ERCC6: variants seen among roughly 807,000 people sequenced by gnomAD.
ERCC6 encodes the protein ERCC excision repair 6, chromatin remodeling factor, also known as DNA excision repair protein ERCC-6.
ERCC6 carries 116 observed loss-of-function variants against 158.7 expected under a neutral mutation model. The ratio of observed to expected loss-of-function variants is 0.73; its 90% CI spans 0.63 to 0.85. The LOEUF is 0.85. ERCC6 is among the 40% of genes least tolerant of loss of function. The pLI is 0.00. For missense variants in ERCC6, 1,698 were observed against 1,799.4 expected (o/e 0.94, Z 1.02); for synonymous variants, 678 against 659.3 (o/e 1.03, Z -0.43).
chr10:49,478,492 G>A (rs752574208), intron 10 of ERCC6, 22 bp from the exon 11 acceptor site: 5 of 1,375,724 alleles, frequency 3.6e-6, no homozygotes, highest in Middle Eastern at 1.8e-4. Flanking sequence ...GCAGAGAAGG[G>A]AACATTACTA....
At position 49,476,212 on chromosome 10, in the gene ERCC6, G is replaced by C; in HGVS notation, c.2382+3C>G. On this transcript the variant is annotated splice_donor_region_variant and intron_variant, in intron 12 of 20. Coordinates refer to ENST00000355832, the MANE Select transcript of ERCC6 (RefSeq NM_000124.4). ...TTTCTCCAGCTTCTATTTTTTAGCT[G>C]ACCTGCATCTCTCCATTGAGAATCC... 6.2e-7 allele frequency: 1 copy of C among 1,602,830 alleles called. No individual in the cohort carries two copies. Among genetic ancestry groups the C allele is most frequent in the Non-Finnish European group, 8.5e-7 (1 of 1,169,908 alleles).
rs1245391063 is a variant in ERCC6, at chr10:49,478,447, T to C, written c.2193A>G (p.Ala731=). 2.5e-6 allele frequency: 4 copies of C among 1,612,990 alleles called. No individual in the cohort carries two copies. Among genetic ancestry groups the C allele is most frequent in the East Asian group, 4.5e-5 (2 of 44,888 alleles). Reference sequence around the variant, plus strand: ...GATTTATGGTATCTCGTAAGACACATGCACACTTGTAAGCAGTTTTGACCT... The same window carrying C: ...GATTTATGGTATCTCGTAAGACACACGCACACTTGTAAGCAGTTTTGACCT... ...PVQVKTAYKC[A]CVLRDTINPY... The change falls in exon 11 of 21, where the codon GCA becomes GCG. Residue 731 remains alanine (A), a synonymous_variant. Transcript: ENST00000355832.
downstream of ERCC6, among the ~76,000 whole-genome samples, chr10:49,451,630 T>C (rs1850421367): frequency 6.6e-6 from 1 of 152,338 alleles, no homozygotes; most frequent in East Asian, 1.9e-4. Context: ...TTGGTGATGG[T>C]GCATAATTAT....
rs765804876 is a variant in ERCC6, at chr10:49,459,145, G to A, written c.4152C>T (p.Leu1384=). The part of the protein sequence containing the change: ...AEDADSSSGP[L]ASSSLLAKMR... ...TTTTAGCCAAGAGTGAGGAGGAAGCGAGGGGCCCGGATGAAGAGTCTGCAT... is the reference window on the plus strand; with the variant it reads ...TTTTAGCCAAGAGTGAGGAGGAAGCAAGGGGCCCGGATGAAGAGTCTGCAT... Residue 1384 remains leucine (L), a synonymous_variant, in exon 21 of 21, where the codon CTC becomes CTT. Coordinates refer to ENST00000355832, the MANE Select transcript of ERCC6 (RefSeq NM_000124.4). The A allele has an allele frequency of 7.4e-6, 12 of 1,614,076 alleles. No homozygotes were observed. The highest frequency in any genetic ancestry group is 9.3e-6 in the Non-Finnish European group (11 of 1,180,042).
At chr10:49,435,804 G>A in the ERCC6 span, among the ~76,000 whole-genome samples, 4 of 151,988 alleles carry the variant, frequency 2.6e-5, no homozygotes, top group Non-Finnish European at 5.9e-5. Flanking sequence ...TTCAAGACCA[G>A]CCTGGCCAAC....
At chr10:49,449,164 C>T in the ERCC6 span, among the ~76,000 whole-genome samples, 2 of 152,256 alleles carry the variant, frequency 1.3e-5, no homozygotes, top group South Asian at 4.1e-4. Context: ...TTTATTTTAG[C>T]CAACTTAGTG....
chr10:49,485,900 G>C (rs1158894969), intron 8 of ERCC6, among the ~76,000 whole-genome samples: 4 of 152,092 alleles, frequency 2.6e-5, no homozygotes, highest in Non-Finnish European at 5.9e-5. Context: ...CATTCCACTG[G>C]GTAAGGCAAA....
At chr10:49,500,321 C>G (rs1851335389) in intron 7 of ERCC6, among the ~76,000 whole-genome samples, 1 of 151,976 alleles carries the variant, frequency 6.6e-6, no homozygotes, top group Non-Finnish European at 1.5e-5. Flanking sequence ...AGCATCAATG[C>G]CTGGAATTCA....
At chr10:49,537,805 C>T (rs963596890) in intron 1 of ERCC6, among the ~76,000 whole-genome samples, 4 of 152,202 alleles carry the variant, frequency 2.6e-5, no homozygotes, top group African/African-American at 9.7e-5. Flanking sequence ...TCACTGCAAC[C>T]TCCGCCTTCC....
chr10:49,515,332 G>A (rs781201657), intron 5 of ERCC6: 1 of 1,603,672 alleles, frequency 6.2e-7, no homozygotes, highest in Admixed American at 1.7e-5. Context: ...GGTGACACCT[G>A]CTATTCAGTG....
chr10:49,439,720 C>T, the ERCC6 span, among the ~76,000 whole-genome samples: 1 of 152,188 alleles, frequency 6.6e-6, no homozygotes, highest in African/African-American at 2.4e-5. Context: ...CCTTATAAAA[C>T]TAAATGCCTT....
At chr10:49,536,456 G>A (rs1188264833) in intron 1 of ERCC6, among the ~76,000 whole-genome samples, 1 of 152,150 alleles carries the variant, frequency 6.6e-6, no homozygotes, top group African/African-American at 2.4e-5. Flanking sequence ...CTCGGACTCT[G>A]GCAGAAGGAG....
chr10:49,515,657 A>C (rs757094712), intron 5 of ERCC6: 6 of 1,614,038 alleles, frequency 3.7e-6, no homozygotes, highest in Admixed American at 1.7e-5. Flanking sequence ...AGAACAAAAG[A>C]GGGCTTGAAT....
At position 49,461,545 on chromosome 10, in the gene ERCC6, T is replaced by C; in HGVS notation, c.3790A>G (p.Ser1264Gly). ...ATGATGGCATCGTGCTTCATGACAC[T>C]GTGCACGCCAACTAGCAAGAAAAGA... ...KLFKKSVGVH[S>G]VMKHDAIMDG... Residue 1264 changes from serine (S) to glycine (G), a missense_variant, in exon 19 of 21, where the codon AGT becomes GGT. By Grantham distance (56) the Ser-to-Gly change is moderately conservative. Coordinates refer to ENST00000355832, the MANE Select transcript of ERCC6 (RefSeq NM_000124.4). 1.9e-6 allele frequency: 3 copies of C among 1,613,676 alleles called. No homozygotes were observed. The highest frequency in any genetic ancestry group is 1.6e-4 in the Middle Eastern group (1 of 6,062).
At chr10:49,493,019 GAATA>G (rs1301802120) in intron 8 of ERCC6, 94 bp downstream of exon 8, 19 of 1,249,978 alleles carry the variant, frequency 1.5e-5, no homozygotes, top group Middle Eastern at 2.2e-4. Flanking sequence ...AAAAACACAG[GAATA>G]TACATTTGAG....
intron 10 of ERCC6, among the ~76,000 whole-genome samples, chr10:49,480,358 G>T (rs771890251): frequency 8.5e-5 from 13 of 152,164 alleles, no homozygotes; most frequent in Non-Finnish European, 1.6e-4. Context: ...ATACCTTCAT[G>T]GGAAGGTTCT....
downstream of ERCC6, among the ~76,000 whole-genome samples, chr10:49,452,367 T>A (rs1010482927): frequency 2.0e-5 from 3 of 152,094 alleles, no homozygotes; most frequent in Non-Finnish European, 4.4e-5. Context: ...AGTAGTGTGT[T>A]GTTCAATTTC....
chr10:49,472,966 C>A lies in ERCC6; in HGVS notation c.2772G>T (p.Thr924=). 6.2e-7 allele frequency: 1 copy of A among 1,614,152 alleles called. No homozygotes were observed. ...TRVGGLGVNL[T]GANRVVIYDP... ...CATAGATGACAACTCTGTTTGCCCC[C>A]GTCAGGTTGACACCTAAGCCGCCCA... Residue 924 remains threonine (T), a synonymous_variant, in exon 15 of 21, where the codon ACG becomes ACT. Transcript: ENST00000355832.
At chr10:49,489,832 T>C (rs555520959) in intron 8 of ERCC6, among the ~76,000 whole-genome samples, 25 of 152,256 alleles carry the variant, frequency 1.6e-4, no homozygotes, top group Non-Finnish European at 2.9e-4. Context: ...ATCACAAGAC[T>C]GCCTTCTTTA....
Sources: allele counts gnomAD v4.1 joint callset (sites outside exome capture counted in the v4.1 genomes callset), GRCh38; gene constraint gnomAD v4.1.1; transcripts MANE v1.5; gene names NCBI Gene and HGNC (gene_info 2026-07-23, HGNC 2026-07-21).